Variants in LINGO2 observed in about 807,000 individuals in gnomAD.
LINGO2 encodes leucine-rich repeat and immunoglobulin-like domain-containing nogo receptor-interacting protein 2.
In LINGO2, 14 loss-of-function variants were observed where a neutral mutation model predicts 30.6. The observed-to-expected ratio is 0.46, with a 90% CI of 0.30 to 0.72. The LOEUF is 0.72. LINGO2 is among the 30% of genes least tolerant of loss of function. The pLI, the probability that LINGO2 is intolerant of heterozygous loss-of-function variation, is 0.07. For synonymous variants in LINGO2, 317 were observed against 288.5 expected (o/e 1.10, Z -1.00); for missense variants, 729 against 751.7 (o/e 0.97, Z 0.35).
At chr9:28,378,916 A>G (rs962376799) in intron 2 of LINGO2, among the ~76,000 whole-genome samples, 2 of 152,078 alleles carry the variant, frequency 1.3e-5, no homozygotes, top group African/African-American at 4.8e-5. Flanking sequence ...CAGATTTCCT[A>G]TAGCTGAGTG....
the LINGO2 span, among the ~76,000 whole-genome samples, chr9:28,775,842 A>G: frequency 2.0e-4 from 31 of 152,336 alleles, no homozygotes; most frequent in African/African-American, 7.0e-4. Context: ...CTTTGTTTGG[A>G]AAACCTAGTT....
the LINGO2 span, among the ~76,000 whole-genome samples, chr9:28,916,424 C>G: frequency 1.9e-4 from 29 of 152,120 alleles, no homozygotes; most frequent in African/African-American, 6.3e-4. Flanking sequence ...TCTCTGAAGC[C>G]GGCTACCTGG....
At chr9:28,079,828 A>G (rs1054893126) in intron 4 of LINGO2, among the ~76,000 whole-genome samples, 3 of 152,176 alleles carry the variant, frequency 2.0e-5, no homozygotes, top group Admixed American at 1.3e-4. Flanking sequence ...CTTCTGTTGC[A>G]TGTCACATCA....
At chr9:28,626,064 T>G (rs575069588) in intron 1 of LINGO2, among the ~76,000 whole-genome samples, 1 of 152,156 alleles carries the variant, frequency 6.6e-6, no homozygotes, top group Non-Finnish European at 1.5e-5. Flanking sequence ...GAATTCCGCT[T>G]GCTTCACAAA....
chr9:29,117,630 A>G, the LINGO2 span, among the ~76,000 whole-genome samples: 1 of 152,154 alleles, frequency 6.6e-6, no homozygotes, highest in Non-Finnish European at 1.5e-5. Flanking sequence ...ACCAGCCAAG[A>G]GCAATTTTCA....
chr9:28,395,908 A>T (rs903103590), intron 2 of LINGO2, among the ~76,000 whole-genome samples: 10 of 152,164 alleles, frequency 6.6e-5, no homozygotes, highest in South Asian at 2.1e-4. Context: ...TTTCTGTGTT[A>T]TAAATTAATA....
intron 3 of LINGO2, among the ~76,000 whole-genome samples, chr9:28,357,327 C>CCCCCCA (rs55802733): frequency 7.2e-6 from 1 of 139,608 alleles, no homozygotes; most frequent in African/African-American, 2.6e-5. Context: ...CCACCCCCCC[C>CCCCCCA]AAAAAAGAAA....
the LINGO2 span, among the ~76,000 whole-genome samples, chr9:28,781,537 C>T: frequency 2.0e-5 from 3 of 152,248 alleles, no homozygotes; most frequent in East Asian, 5.8e-4. Flanking sequence ...GAAAAGGAAG[C>T]CATCAACCCT....
At chr9:28,922,698 T>C in the LINGO2 span, among the ~76,000 whole-genome samples, 1 of 152,196 alleles carries the variant, frequency 6.6e-6, no homozygotes, top group South Asian at 2.1e-4. Context: ...TAAAACCCTT[T>C]AAACACTTTT....
At chr9:29,096,522 G>C in the LINGO2 span, among the ~76,000 whole-genome samples, 2 of 139,768 alleles carry the variant, frequency 1.4e-5, 1 homozygote, top group African/African-American at 5.4e-5. Context: ...CTGACCCCAA[G>C]TGATCCGCCC....
chr9:28,149,332 C>T (rs1483034127), intron 4 of LINGO2: 18 of 514,946 alleles, frequency 3.5e-5, no homozygotes, highest in South Asian at 6.8e-5. Flanking sequence ...AAGTGAGGAG[C>T]GCCTCTGCCC....
In LINGO2 at chr9:28,572,752, C is replaced by T. The variant is rs556296708; in HGVS notation, c.-364-96727G>A. Among the ~76,000 whole-genome samples the T allele has an allele frequency of 1.2e-3, 180 of 152,150 alleles. 1 individual carries two copies. Among genetic ancestry groups the T allele is most frequent in the South Asian group, 2.1e-4 (1 of 4,824 alleles). ...TCCAACAGCTTCCAGACAACTACTCCGCGTATATTAGACTCATATCTGAAT... is the reference window on the plus strand; with the variant it reads ...TCCAACAGCTTCCAGACAACTACTCTGCGTATATTAGACTCATATCTGAAT... On this transcript the variant is annotated intron_variant, in intron 1 of 5. Transcript: ENST00000379992.
the LINGO2 span, among the ~76,000 whole-genome samples, chr9:28,951,335 CT>C: frequency 7.4e-6 from 1 of 134,654 alleles, no homozygotes; most frequent in Non-Finnish European, 1.5e-5. Context: ...CTGCACACCA[CT>C]TTCCTTTGCC....
intron 3 of LINGO2, among the ~76,000 whole-genome samples, chr9:28,349,980 A>G (rs1819786250): frequency 6.6e-6 from 1 of 152,176 alleles, no homozygotes; most frequent in African/African-American, 2.4e-5. Flanking sequence ...GGCCTACCTT[A>G]AAAGAGCTCC....
Position 28,541,183 on chromosome 9 carries a change from C to A in LINGO2, c.-364-65158G>T, listed in dbSNP as rs528164724. Among the ~76,000 whole-genome samples the A allele has an allele frequency of 2.0e-5, 3 of 152,092 alleles. No homozygotes were observed. In the South Asian group the frequency reaches 6.2e-4, roughly 32 times the overall value. On this transcript the variant is annotated intron_variant, in intron 1 of 5. Transcript: ENST00000379992. ...TATGCAGTATTTCCCAACAGAAAAC[C>A]ATTTCATTCTATGTTTAAGATAATA...
chr9:28,148,566 A>C lies in LINGO2; in HGVS notation c.-86-136161T>G, dbSNP rs914545039. On this transcript the variant is annotated intron_variant, in intron 4 of 5. Transcript: ENST00000379992. This position sits in a 1 kb window ranked among gnomAD's most constrained non-coding sequence, Gnocchi z 5.1. ...TCCACCTCTAGGCCCCTGGAGACTCAGGGAAACTTCACTTCCTCCTGGTAC... is the reference window on the plus strand; with the variant it reads ...TCCACCTCTAGGCCCCTGGAGACTCCGGGAAACTTCACTTCCTCCTGGTAC... 2.0e-6 allele frequency: 3 copies of C among 1,503,352 alleles called. No individual in the cohort carries two copies. Among genetic ancestry groups the C allele is most frequent in the Non-Finnish European group, 2.7e-6 (3 of 1,118,594 alleles). 93.1% of individuals were successfully genotyped at this position (1,503,352 alleles called of 1,614,324 possible). A position where few individuals can be genotyped will look rare whatever the true frequency, so the allele number is the denominator to read the frequency against.
chr9:28,560,877 G>C (rs532042868), intron 1 of LINGO2, among the ~76,000 whole-genome samples: 2 of 152,002 alleles, frequency 1.3e-5, no homozygotes, highest in South Asian at 2.1e-4. Flanking sequence ...GTTTCTCCAA[G>C]TTGCTCAGGC....
intron 4 of LINGO2, among the ~76,000 whole-genome samples, chr9:28,106,561 C>T (rs186977900): frequency 6.6e-6 from 1 of 152,262 alleles, no homozygotes; most frequent in East Asian, 1.9e-4. Flanking sequence ...GAGCCATATA[C>T]ATATCCTCAA....
At chr9:28,994,767 G>C in the LINGO2 span, among the ~76,000 whole-genome samples, 7 of 152,162 alleles carry the variant, frequency 4.6e-5, no homozygotes, top group Non-Finnish European at 2.9e-5. Context: ...AAGCAATGAG[G>C]AAAAGATTCC....
Sources: gnomAD v4.1 joint callset for allele counts (sites outside exome capture counted in the v4.1 genomes callset) on GRCh38, gnomAD v4.1.1 for gene constraint, Gnocchi (gnomAD v3.1) non-coding constraint, MANE v1.5 for transcripts, NCBI Gene and HGNC (gene_info 2026-07-23, HGNC 2026-07-21) for gene names.